Variants in ABTB3 observed in about 807,000 individuals in gnomAD.
ABTB3 encodes the protein ankyrin repeat and BTB domain containing 3.
the ABTB3 span, among the ~76,000 whole-genome samples, chr12:107,557,329 T>C: frequency 0.53 from 80,137 of 151,984 alleles, 21,364 homozygotes; most frequent in East Asian, 0.65. Flanking sequence ...GGCATTTGTG[T>C]GTCTAAACAG....
At chr12:107,644,279 C>G in the ABTB3 span, among the ~76,000 whole-genome samples, 5 of 152,138 alleles carry the variant, frequency 3.3e-5, no homozygotes, top group Admixed American at 2.0e-4. Flanking sequence ...GTGTAAGGCT[C>G]GAAGCCAGTG....
At chr12:107,656,007 G>A in the ABTB3 span, among the ~76,000 whole-genome samples, 4 of 152,208 alleles carry the variant, frequency 2.6e-5, no homozygotes, top group Admixed American at 6.5e-5. Context: ...AATTAGAGGA[G>A]CTGGGCACAG....
the ABTB3 span, among the ~76,000 whole-genome samples, chr12:107,327,776 G>T: frequency 4.6e-5 from 7 of 152,332 alleles, no homozygotes; most frequent in African/African-American, 1.4e-4. Context: ...ATTAGTTAGG[G>T]TAATGCTAGC....
chr12:107,453,755 G>A, the ABTB3 span, among the ~76,000 whole-genome samples: 1 of 152,224 alleles, frequency 6.6e-6, no homozygotes, highest in African/African-American at 2.4e-5. Flanking sequence ...TGAAGAGGCT[G>A]TTGGAGCCCC....
chr12:107,462,040 T>C, the ABTB3 span, among the ~76,000 whole-genome samples: 3 of 152,264 alleles, frequency 2.0e-5, no homozygotes, highest in South Asian at 2.1e-4. Context: ...TCCTGATGGG[T>C]TGTTTTCCTT....
chr12:107,384,050 A>G, the ABTB3 span, among the ~76,000 whole-genome samples: 1 of 152,208 alleles, frequency 6.6e-6, no homozygotes, highest in Non-Finnish European at 1.5e-5. Flanking sequence ...GCTGGGCTCC[A>G]GACCCACACA....
chr12:107,659,516 C>T, the ABTB3 span: 25 of 152,382 alleles, frequency 1.6e-4, no homozygotes, highest in African/African-American at 5.8e-4. Flanking sequence ...CAGCTGACTT[C>T]CCTGTGAATG....
the ABTB3 span, among the ~76,000 whole-genome samples, chr12:107,470,052 T>TCTCTC: frequency 7.1e-6 from 1 of 140,058 alleles, no homozygotes; most frequent in East Asian, 2.3e-4. Context: ...CTTTCTCTCT[T>TCTCTC]TCTTGAGACA....
chr12:107,516,817 T>A, the ABTB3 span, among the ~76,000 whole-genome samples: 2 of 152,218 alleles, frequency 1.3e-5, no homozygotes, highest in Non-Finnish European at 1.5e-5. Flanking sequence ...CTGTCTCCCC[T>A]CACCTGCTAG....
the ABTB3 span, among the ~76,000 whole-genome samples, chr12:107,565,723 G>A: frequency 5.3e-5 from 8 of 152,102 alleles, no homozygotes; most frequent in Admixed American, 3.9e-4. Context: ...CCCTACAGCC[G>A]GCCCCAGAAA....
chr12:107,608,893 T>TAAATAAAA, the ABTB3 span, among the ~76,000 whole-genome samples: 3 of 84,324 alleles, frequency 3.6e-5, no homozygotes, highest in Non-Finnish European at 6.7e-5. Flanking sequence ...TAAAATAAAA[T>TAAATAAAA]AAATAAAATA....
the ABTB3 span, among the ~76,000 whole-genome samples, chr12:107,558,218 C>T: frequency 6.6e-6 from 1 of 152,160 alleles, no homozygotes; most frequent in Admixed American, 6.6e-5. Context: ...GGCTGGACTG[C>T]CCATCAGCTC....
At chr12:107,512,068 G>A in the ABTB3 span, among the ~76,000 whole-genome samples, 24,981 of 151,958 alleles carry the variant, frequency 0.16, 2,492 homozygotes, top group Admixed American at 0.26. Flanking sequence ...ACTGGTAAAG[G>A]AAAACTAACT....
At chr12:107,476,646 G>A in the ABTB3 span, among the ~76,000 whole-genome samples, 1 of 151,994 alleles carries the variant, frequency 6.6e-6, no homozygotes, top group Non-Finnish European at 1.5e-5. Context: ...ATCAAGATAG[G>A]CTTTCAAGAG....
At chr12:107,414,675 G>T in the ABTB3 span, among the ~76,000 whole-genome samples, 1 of 150,752 alleles carries the variant, frequency 6.6e-6, no homozygotes, top group East Asian at 1.9e-4. Flanking sequence ...CCTTTCTCCA[G>T]CATCATCTTT....
the ABTB3 span, chr12:107,520,417 C>T: frequency 6.4e-7 from 1 of 1,560,678 alleles, no homozygotes; most frequent in South Asian, 1.2e-5. Flanking sequence ...AGATGTTGCA[C>T]CCTTCCCTCG....
chr12:107,382,266 T>G, the ABTB3 span, among the ~76,000 whole-genome samples: 1 of 152,060 alleles, frequency 6.6e-6, no homozygotes, highest in Non-Finnish European at 1.5e-5. Flanking sequence ...GTTTGCCATA[T>G]AGTGGGCCCA....
chr12:107,339,850 C>T, the ABTB3 span, among the ~76,000 whole-genome samples: 3 of 152,110 alleles, frequency 2.0e-5, no homozygotes, highest in Non-Finnish European at 4.4e-5. Context: ...AGACTCCAGC[C>T]TTCTTATCTA....
chr12:107,644,321 C>T, the ABTB3 span, among the ~76,000 whole-genome samples: 13 of 152,160 alleles, frequency 8.5e-5, no homozygotes, highest in African/African-American at 3.1e-4. Context: ...TTAGAATCAC[C>T]TGGGAGCTTT....
Sources: gnomAD v4.1 joint callset for allele counts (sites outside exome capture counted in the v4.1 genomes callset) on GRCh38, gnomAD v4.1.1 for gene constraint, MANE v1.5 for transcripts, NCBI Gene and HGNC (gene_info 2026-07-23, HGNC 2026-07-21) for gene names.